The following KIAA0319L variants were observed in gnomAD, a reference collection of about 807,000 sequenced individuals.
The protein encoded by KIAA0319L is dyslexia-associated protein KIAA0319-like protein.
In KIAA0319L, 55 loss-of-function variants were observed where a neutral mutation model predicts 120.1. That is an observed-to-expected ratio of 0.46 (90% CI 0.37 to 0.57). The LOEUF (loss-of-function observed/expected upper bound fraction) is 0.57, where lower values mean the gene tolerates loss of function less well. Among genes scored for constraint, KIAA0319L ranks in the 20% least tolerant of loss-of-function variants. The pLI, the probability that KIAA0319L is intolerant of heterozygous loss-of-function variation, is 0.00. For missense variants in KIAA0319L, 1,049 were observed against 1,255.3 expected (o/e 0.84, Z 2.48); for synonymous variants, 398 against 471.9 (o/e 0.84, Z 2.03).
chr1:35,459,240 A>C (rs563369131), intron 9 of KIAA0319L, among the ~76,000 whole-genome samples: 1 of 152,190 alleles, frequency 6.6e-6, no homozygotes, highest in Non-Finnish European at 1.5e-5. Flanking sequence ...AGGGAATTAA[A>C]GGAAGTATGA....
chr1:35,521,825 T>C (rs1157106404), intron 2 of KIAA0319L, among the ~76,000 whole-genome samples: 1 of 150,818 alleles, frequency 6.6e-6, no homozygotes, highest in African/African-American at 2.4e-5. Context: ...TACAAAAAAT[T>C]AGCCGGTCAT....
chr1:35,534,428 C>G (rs1218477125), intron 2 of KIAA0319L, among the ~76,000 whole-genome samples: 1 of 152,220 alleles, frequency 6.6e-6, no homozygotes, highest in African/African-American at 2.4e-5. Context: ...GGAAAACAAG[C>G]TTCCAAGGAC....
Position 35,460,306 on chromosome 1 carries a change from T to C in KIAA0319L, c.1426A>G (p.Ser476Gly), listed in dbSNP as rs1427511625. ...SKLVPGNYTF[S>G]LTVVDSDGAT... ...ACTTGAAGCTGAATCCTAATTTACCTGAAAGTGTAGTTCCCAGGGACGAGT... is the reference window on the plus strand; with the variant it reads ...ACTTGAAGCTGAATCCTAATTTACCCGAAAGTGTAGTTCCCAGGGACGAGT... The change falls in exon 9 of 21, where the codon AGC becomes GGC. Residue 476 changes from serine to glycine, a missense_variant and splice_region_variant. By Grantham distance (56) the Ser-to-Gly change is moderately conservative (BLOSUM62 0). Transcript: ENST00000325722. The C allele has an allele frequency of 6.2e-7, 1 of 1,609,760 alleles. No individual in the cohort carries two copies. The highest frequency in any genetic ancestry group is 8.5e-7 in the Non-Finnish European group (1 of 1,178,674).
At position 35,453,600 on chromosome 1, in the gene KIAA0319L, A is replaced by C. The variant is rs1457097266; in HGVS notation, c.1870T>G (p.Ser624Ala). 2 of 1,614,010 alleles carry C rather than the reference A, an allele frequency of 1.2e-6. No individual in the cohort carries two copies. The highest frequency in any genetic ancestry group is 1.7e-6 in the Non-Finnish European group (2 of 1,179,966). ...TATGAGATAATTTTCTGATCATCTG[A>C]GCTCTTGCTGCCATCCAGGGTTGTG... Reference protein sequence around the residue: ...DSTTLDGSKSSDDQKIISYLW... With the variant: ...DSTTLDGSKSADDQKIISYLW... Residue 624 changes from serine (S) to alanine (A), a missense_variant, in exon 12 of 21, where the codon TCA becomes GCA. Coordinates refer to ENST00000325722, the MANE Select transcript of KIAA0319L (RefSeq NM_024874.5). This position sits in a 1 kb window ranked among gnomAD's most constrained non-coding sequence, Gnocchi z 4.1.
chr1:35,531,809 T>A (rs1646380478), intron 2 of KIAA0319L, among the ~76,000 whole-genome samples: 1 of 152,184 alleles, frequency 6.6e-6, no homozygotes, highest in African/African-American at 2.4e-5. Flanking sequence ...TAGTCGGTCA[T>A]CTTGAAAGAC....
intron 3 of KIAA0319L, among the ~76,000 whole-genome samples, chr1:35,498,337 G>GAA (rs1016859388): frequency 7.2e-6 from 1 of 139,042 alleles, no homozygotes; most frequent in Non-Finnish European, 1.6e-5. Context: ...CCCATCTCGG[G>GAA]AAAAAAAAAA....
At chr1:35,541,723 G>A (rs752800480) in intron 2 of KIAA0319L, among the ~76,000 whole-genome samples, 5 of 152,274 alleles carry the variant, frequency 3.3e-5, no homozygotes, top group African/African-American at 4.8e-5. Context: ...CCTGACCAAA[G>A]ACAGAGCCAA....
At chr1:35,494,977 G>A (rs139649960) in intron 3 of KIAA0319L, among the ~76,000 whole-genome samples, 31 of 152,110 alleles carry the variant, frequency 2.0e-4, no homozygotes, top group African/African-American at 6.7e-4. Context: ...GAAAAAATAC[G>A]GTCCTAAAAC....
chr1:35,540,497 A>G (rs1180821299), intron 2 of KIAA0319L, among the ~76,000 whole-genome samples: 2 of 152,146 alleles, frequency 1.3e-5, no homozygotes, highest in African/African-American at 4.8e-5. Flanking sequence ...CACACTTCCA[A>G]CTTGGGGGCA....
At chr1:35,555,757 C>T (rs1042468168) in intron 1 of KIAA0319L, among the ~76,000 whole-genome samples, 14 of 152,170 alleles carry the variant, frequency 9.2e-5, no homozygotes, top group Non-Finnish European at 2.1e-4. Flanking sequence ...CACATTTCTG[C>T]CTACCACAAA....
At chr1:35,557,538 A>T, upstream of KIAA0319L, 1 of 389,978 alleles carries the variant, frequency 2.6e-6, no homozygotes. Context: ...CTGGGCGGGT[A>T]AAACTACGCA....
At chr1:35,485,024 G>C (rs1006863833) in intron 3 of KIAA0319L, among the ~76,000 whole-genome samples, 5 of 127,842 alleles carry the variant, frequency 3.9e-5, no homozygotes, top group African/African-American at 1.5e-4. Flanking sequence ...CAGCTATTTT[G>C]AAGTCTCTGC....
intron 2 of KIAA0319L, among the ~76,000 whole-genome samples, chr1:35,535,096 T>TA (rs56965473): frequency 0.055 from 3,096 of 56,160 alleles, 259 homozygotes; most frequent in Non-Finnish European, 0.071. Context: ...GACTCCGTCT[T>TA]AAAAAAAAAA....
chr1:35,530,200 CTT>C (rs879779377), intron 2 of KIAA0319L, among the ~76,000 whole-genome samples: 4 of 141,142 alleles, frequency 2.8e-5, no homozygotes, highest in African/African-American at 2.6e-5. Flanking sequence ...CATGCCCGGC[CTT>C]TTTTTTTTTT....
chr1:35,497,916 G>A (rs1644872226), intron 3 of KIAA0319L, among the ~76,000 whole-genome samples: 2 of 152,158 alleles, frequency 1.3e-5, no homozygotes, highest in Non-Finnish European at 2.9e-5. Flanking sequence ...TAGGCAGACA[G>A]ATTTTCATTT....
chr1:35,519,738 T>G (rs770627182), intron 2 of KIAA0319L, among the ~76,000 whole-genome samples: 92 of 152,314 alleles, frequency 6.0e-4, no homozygotes, highest in Non-Finnish European at 1.1e-3. Flanking sequence ...GCTCTCTCTT[T>G]CTTCCCACAG....
chr1:35,474,140 G>A (rs1288846707), intron 5 of KIAA0319L, among the ~76,000 whole-genome samples: 3 of 152,034 alleles, frequency 2.0e-5, no homozygotes, highest in Non-Finnish European at 2.9e-5. Flanking sequence ...TCCTTACAAC[G>A]GTCCTGTGAG....
Position 35,442,777 on chromosome 1 carries a change from A to G in KIAA0319L, c.2779+129T>C. The G allele has an allele frequency of 6.0e-6, 7 of 1,168,836 alleles. No homozygotes were observed. The South Asian group carries it at 8.6e-5, about 14-fold the overall frequency. The allele number at this position is 1,168,836 out of a possible 1,614,324, so 72.4% of individuals were successfully genotyped here. A position where few individuals can be genotyped will look rare whatever the true frequency, so the allele number is the denominator to read the frequency against. On this transcript the variant is annotated intron_variant, in intron 18 of 20. Transcript: ENST00000325722. The stretch of plus-strand genomic sequence containing the variant: ...GAGGAAGGAAGTAAAAGTCCTCTGC[A>G]AACAGAAAATACACAAAGTTCTTCT...
intron 1 of KIAA0319L, among the ~76,000 whole-genome samples, chr1:35,555,930 G>A (rs1291009702): frequency 6.6e-6 from 1 of 152,224 alleles, no homozygotes; most frequent in Non-Finnish European, 1.5e-5. Flanking sequence ...TTGCGTCTAA[G>A]AGAAAGGCAG....
Sources: allele counts gnomAD v4.1 joint callset (sites outside exome capture counted in the v4.1 genomes callset), GRCh38; gene constraint gnomAD v4.1.1; non-coding constraint Gnocchi (gnomAD v3.1); transcripts MANE v1.5; gene names NCBI Gene and HGNC (gene_info 2026-07-23, HGNC 2026-07-21).